Variants in YEATS4 observed in about 807,000 individuals in gnomAD.
The protein encoded by YEATS4 is YEATS domain-containing protein 4.
Under a neutral mutation model 30.1 loss-of-function variants are expected in YEATS4, and 17 were observed. The ratio of observed to expected loss-of-function variants is 0.56; its 90% CI spans 0.39 to 0.85. YEATS4 has a LOEUF of 0.85. Ranked by LOEUF, YEATS4 falls within the 40% of genes least tolerant of loss-of-function variation. The probability of loss-of-function intolerance (pLI) is 0.00; values close to 1 mark genes in which losing one functional copy is unlikely to be tolerated. For missense variants in YEATS4, 142 were observed against 268.3 expected (o/e 0.53, Z 3.29); for synonymous variants, 85 against 87.5 (o/e 0.97, Z 0.16).
chr12:69,363,851 A>G (rs1027405159), intron 2 of YEATS4, among the ~76,000 whole-genome samples: 1 of 152,240 alleles, frequency 6.6e-6, no homozygotes, highest in South Asian at 2.1e-4. Context: ...ATATATCCAT[A>G]CAATTGAATA....
the YEATS4 span, among the ~76,000 whole-genome samples, chr12:69,399,274 G>A: frequency 6.7e-6 from 1 of 149,914 alleles, no homozygotes; most frequent in African/African-American, 2.4e-5. Flanking sequence ...TCTGACAAGA[G>A]TCGAGTATCC....
At chr12:69,408,742 T>G in the YEATS4 span, among the ~76,000 whole-genome samples, 2 of 152,288 alleles carry the variant, frequency 1.3e-5, no homozygotes, top group South Asian at 4.1e-4. Context: ...CTGAGTAGAT[T>G]CCTTGTCCAT....
intron 6 of YEATS4, among the ~76,000 whole-genome samples, chr12:69,374,005 T>C (rs1301319519): frequency 6.6e-6 from 1 of 152,224 alleles, no homozygotes; most frequent in African/African-American, 2.4e-5. Context: ...TTTCTGCAAG[T>C]ACCATGCTGT....
chr12:69,375,031 GC>G (rs1348473338), intron 6 of YEATS4, among the ~76,000 whole-genome samples: 1 of 148,888 alleles, frequency 6.7e-6, no homozygotes, highest in African/African-American at 2.5e-5. Context: ...GGACGGGGCA[GC>G]TGGCCGGGCG....
chr12:69,383,141 G>A (rs1170422351), intron 6 of YEATS4, among the ~76,000 whole-genome samples: 1 of 152,156 alleles, frequency 6.6e-6, no homozygotes, highest in Non-Finnish European at 1.5e-5. Context: ...GCACATTCCT[G>A]TAGTACCAGC....
rs371148095 is a variant in YEATS4 at position 69,362,799 on chromosome 12, C to T, written c.63C>T (p.Ile21=). The T allele has an allele frequency of 2.2e-5, 35 of 1,603,970 alleles. No individual in the cohort carries two copies. Among genetic ancestry groups the T allele is most frequent in the Non-Finnish European group, 2.7e-5 (32 of 1,174,056 alleles). ...DSGGRVKGVT[I]VKPIVYGNVA... ...TATTTTTCTTTTAGGGTGTTACTAT[C>T]GTTAAACCAATAGTTTACGGTAATG... is the stretch of plus-strand genomic sequence containing the variant. The change falls in exon 2 of 7, where the codon ATC becomes ATT. Residue 21 remains isoleucine, a synonymous_variant. Coordinates refer to ENST00000247843, the MANE Select transcript of YEATS4 (RefSeq NM_006530.4).
At chr12:69,418,632 T>G in the YEATS4 span, among the ~76,000 whole-genome samples, 1 of 152,168 alleles carries the variant, frequency 6.6e-6, no homozygotes, top group Non-Finnish European at 1.5e-5. Flanking sequence ...GAAGTTGGTT[T>G]TTTTCTTCCA....
chr12:69,388,063 A>ATTTT (rs66970417), intron 6 of YEATS4, among the ~76,000 whole-genome samples: 2 of 143,396 alleles, frequency 1.4e-5, no homozygotes, highest in Non-Finnish European at 3.1e-5. Context: ...TTTTATTTTT[A>ATTTT]TTTTTTTTTT....
chr12:69,362,010 G>GTTGTTT (rs35684976), intron 1 of YEATS4, among the ~76,000 whole-genome samples: 2 of 69,654 alleles, frequency 2.9e-5, no homozygotes, highest in Admixed American at 1.3e-4. Flanking sequence ...AGGGTGTTTG[G>GTTGTTT]TTGTTTTTTT....
intron 6 of YEATS4, among the ~76,000 whole-genome samples, chr12:69,387,714 G>A (rs1159538131): frequency 1.3e-5 from 2 of 152,216 alleles, no homozygotes; most frequent in Admixed American, 1.3e-4. Flanking sequence ...TTGGGAAGAA[G>A]AAGAAACTGC....
intron 6 of YEATS4, among the ~76,000 whole-genome samples, chr12:69,380,927 C>T (rs991328654): frequency 6.6e-6 from 1 of 152,036 alleles, no homozygotes; most frequent in Non-Finnish European, 1.5e-5. Flanking sequence ...GTCTGGGTCA[C>T]AGAGATCACA....
chr12:69,411,053 A>G, the YEATS4 span, among the ~76,000 whole-genome samples: 1 of 152,236 alleles, frequency 6.6e-6, no homozygotes, highest in Non-Finnish European at 1.5e-5. Context: ...ATAAGCATGC[A>G]AGTGTGTATC....
At chr12:69,377,475 G>C (rs1592854876) in intron 6 of YEATS4, among the ~76,000 whole-genome samples, 1 of 151,864 alleles carries the variant, frequency 6.6e-6, no homozygotes, top group African/African-American at 2.4e-5. Flanking sequence ...TTACCAGGCT[G>C]GTCTTGAACT....
At chr12:69,371,009 A>G in intron 6 of YEATS4, 34 bp downstream of exon 6, 1 of 1,582,980 alleles carries the variant, frequency 6.3e-7, no homozygotes. Context: ...CTGAAAAATA[A>G]CGTATTCTGT....
chr12:69,367,433 A>G (rs1032589645), intron 4 of YEATS4, among the ~76,000 whole-genome samples: 40 of 152,076 alleles, frequency 2.6e-4, no homozygotes, highest in Admixed American at 2.4e-3. Context: ...AGTGGCATAA[A>G]CACAACTCAC....
At chr12:69,372,953 G>A (rs1875703768) in intron 6 of YEATS4, among the ~76,000 whole-genome samples, 1 of 152,032 alleles carries the variant, frequency 6.6e-6, no homozygotes, top group Non-Finnish European at 1.5e-5. Flanking sequence ...ATGTTGTTTG[G>A]AATGACAGGA....
intron 6 of YEATS4, among the ~76,000 whole-genome samples, chr12:69,388,246 G>T (rs1170437292): frequency 6.6e-6 from 1 of 152,058 alleles, no homozygotes; most frequent in East Asian, 1.9e-4. Context: ...ATTTTTAGTA[G>T]AGACAGGGTT....
chr12:69,394,183 G>A (rs540021513), downstream of YEATS4, among the ~76,000 whole-genome samples: 29 of 152,288 alleles, frequency 1.9e-4, no homozygotes, highest in African/African-American at 7.0e-4. Flanking sequence ...TGGAGCCCAG[G>A]AATTTGCATT....
chr12:69,424,401 C>T, the YEATS4 span, among the ~76,000 whole-genome samples: 1 of 152,294 alleles, frequency 6.6e-6, no homozygotes, highest in Non-Finnish European at 1.5e-5. Flanking sequence ...CTTTATCCTT[C>T]CCTTCCATAG....
Sources: allele counts gnomAD v4.1 joint callset (sites outside exome capture counted in the v4.1 genomes callset), GRCh38; gene constraint gnomAD v4.1.1; transcripts MANE v1.5; gene names NCBI Gene and HGNC (gene_info 2026-07-23, HGNC 2026-07-21).